KIAA0040: variants seen among roughly 807,000 people sequenced by gnomAD.
KIAA0040 encodes the protein uncharacterized protein KIAA0040.
Under a neutral mutation model 7.2 loss-of-function variants are expected in KIAA0040, and 10 were observed. The ratio of observed to expected loss-of-function variants is 1.38; its 90% CI spans 0.85 to 2.34. KIAA0040 has a LOEUF of 2.34. Among genes scored for constraint, KIAA0040 ranks in the 30% most tolerant of loss-of-function variants. The pLI is 0.00. For synonymous variants in KIAA0040, 49 were observed against 40.1 expected (o/e 1.22, Z -0.84); for missense variants, 89 against 108.2 (o/e 0.82, Z 0.79).
At chr1:175,171,666 G>A (rs1436555846) in intron 2 of KIAA0040, among the ~76,000 whole-genome samples, 1 of 152,180 alleles carries the variant, frequency 6.6e-6, no homozygotes, top group African/African-American at 2.4e-5. Flanking sequence ...ATCACTGAGA[G>A]CAATAGAAAG....
At chr1:175,191,104 T>C (rs1473340741) in intron 1 of KIAA0040, among the ~76,000 whole-genome samples, 1 of 152,214 alleles carries the variant, frequency 6.6e-6, no homozygotes, top group Non-Finnish European at 1.5e-5. Flanking sequence ...AACTGCAGTT[T>C]ATTTCTGTAT....
Position 175,174,208 on chromosome 1 carries a change from A to T in KIAA0040, c.-310+3403T>A, listed in dbSNP as rs967271321. Among the ~76,000 whole-genome samples, 24 of 152,350 alleles carry T rather than the reference A, an allele frequency of 1.6e-4. 1 individual carries two copies. The highest frequency in any genetic ancestry group is 1.2e-3 in the Admixed American group (18 of 15,304). ...AAGAGCCATGCAGGGGGCTTAAAAA[A>T]TATAAATGAGGACAAAAGGCAAGCC... is the stretch of plus-strand genomic sequence containing the variant. On this transcript the variant is annotated intron_variant, in intron 2 of 3. Coordinates refer to ENST00000423313, the MANE Select transcript of KIAA0040 (RefSeq NM_014656.3).
Position 175,187,226 on chromosome 1 carries a change from C to T in KIAA0040, c.-384+5414G>A, listed in dbSNP as rs575013860. On this transcript the variant is annotated intron_variant, in intron 1 of 3. Transcript: ENST00000423313. ...GTATGCCTTAAATTCTTAGCACCACCATTCAACAAGCGGTTACTGAGAGCC... is the reference window on the plus strand; with the variant it reads ...GTATGCCTTAAATTCTTAGCACCACTATTCAACAAGCGGTTACTGAGAGCC... Among the ~76,000 whole-genome samples the T allele has an allele frequency of 6.6e-5, 10 of 152,180 alleles. No homozygotes were observed. The South Asian group carries it at 2.1e-3, about 32-fold the overall frequency.
chr1:175,183,559 C>T (rs544192322), intron 1 of KIAA0040, among the ~76,000 whole-genome samples: 1 of 152,314 alleles, frequency 6.6e-6, no homozygotes, highest in Admixed American at 6.5e-5. Flanking sequence ...GCAGGAAGGC[C>T]TTGCAATGGG....
intron 3 of KIAA0040, among the ~76,000 whole-genome samples, chr1:175,161,804 C>T (rs1676554563): frequency 1.3e-5 from 2 of 152,172 alleles, no homozygotes; most frequent in African/African-American, 2.4e-5. Flanking sequence ...GTCCTCTCCT[C>T]CCAAGGCTGA....
At chr1:175,174,283 G>A (rs1646400845) in intron 2 of KIAA0040, among the ~76,000 whole-genome samples, 1 of 152,208 alleles carries the variant, frequency 6.6e-6, no homozygotes, top group South Asian at 2.1e-4. Context: ...CTGATCTGTG[G>A]TTAATCAGAC....
intron 1 of KIAA0040, among the ~76,000 whole-genome samples, chr1:175,186,035 G>A (rs1677646882): frequency 6.6e-6 from 1 of 152,158 alleles, no homozygotes; most frequent in African/African-American, 2.4e-5. Flanking sequence ...ACCGGGAAGA[G>A]GGAACAAGAA....
chr1:175,161,097 G>C lies in KIAA0040; in HGVS notation c.-84C>G. On this transcript the variant is annotated 5_prime_UTR_variant, in exon 4 of 4. The change creates a premature stop within an existing upstream ORF in the 5' untranslated region. Coordinates refer to ENST00000423313, the MANE Select transcript of KIAA0040 (RefSeq NM_014656.3). The stretch of plus-strand genomic sequence containing the variant: ...CAAAAGGATGCAACCTTGACCACTT[G>C]TAATTTATTCCTCTTCCAGCTTTGG... 7.8e-7 allele frequency: 1 copy of C among 1,281,260 alleles called. No individual in the cohort carries two copies. 79.4% of individuals were successfully genotyped at this position (1,281,260 alleles called of 1,614,324 possible).
intron 1 of KIAA0040, among the ~76,000 whole-genome samples, chr1:175,178,972 G>C (rs975268418): frequency 1.5e-3 from 18 of 12,216 alleles, no homozygotes; most frequent in South Asian, 8.5e-3. Flanking sequence ...GGACGGGGCG[G>C]GGGGGGGGAT....
At chr1:175,163,279 A>G (rs565369926) in intron 3 of KIAA0040, among the ~76,000 whole-genome samples, 2 of 152,370 alleles carry the variant, frequency 1.3e-5, no homozygotes, top group East Asian at 3.8e-4. Flanking sequence ...GAAAGACTGC[A>G]AAGAGATTTA....
chr1:175,171,227 C>T (rs929407032), intron 2 of KIAA0040, among the ~76,000 whole-genome samples: 4 of 152,202 alleles, frequency 2.6e-5, no homozygotes, highest in African/African-American at 9.7e-5. Context: ...TCTCACCATC[C>T]TGCCCTACTG....
intron 1 of KIAA0040, among the ~76,000 whole-genome samples, chr1:175,184,167 C>T (rs1157307154): frequency 1.3e-5 from 2 of 152,216 alleles, no homozygotes; most frequent in East Asian, 1.9e-4. Flanking sequence ...CATGAAGCTA[C>T]TGCTTCTTGT....
intron 2 of KIAA0040, among the ~76,000 whole-genome samples, chr1:175,171,282 T>C (rs1676982634): frequency 6.6e-6 from 1 of 152,220 alleles, no homozygotes; most frequent in Non-Finnish European, 1.5e-5. Context: ...TCACTTACAA[T>C]GCTGCTGTCA....
rs1676514577 is a variant in KIAA0040 at position 175,160,930 on chromosome 1, G to A, written c.84C>T (p.Cys28=). 5 of 1,551,592 alleles carry A rather than the reference G, an allele frequency of 3.2e-6. No homozygotes were observed. Among genetic ancestry groups the A allele is most frequent in the Admixed American group, 2.0e-5 (1 of 50,998 alleles). Reference sequence around the variant, plus strand: ...GTGGCAGGCCCAGGAGGACTCCCAGGCAGATGGTGTTGTAGATGCCTTCTT... The same window carrying A: ...GTGGCAGGCCCAGGAGGACTCCCAGACAGATGGTGTTGTAGATGCCTTCTT... The part of the protein sequence containing the change: ...KHQEGIYNTI[C]LGVLLGLPLL... The change falls in exon 4 of 4, where the codon TGC becomes TGT. Residue 28 remains cysteine (C), a synonymous_variant. Coordinates refer to ENST00000423313, the MANE Select transcript of KIAA0040 (RefSeq NM_014656.3).
intron 1 of KIAA0040, among the ~76,000 whole-genome samples, chr1:175,189,744 T>C (rs1271625662): frequency 1.3e-5 from 2 of 152,366 alleles, no homozygotes; most frequent in East Asian, 3.9e-4. Context: ...TTACAATTTA[T>C]GTAGCACATT....
intron 2 of KIAA0040, among the ~76,000 whole-genome samples, chr1:175,170,637 AC>A (rs1238770338): frequency 2.0e-5 from 3 of 151,826 alleles, no homozygotes; most frequent in Non-Finnish European, 2.9e-5. Flanking sequence ...TTACCTCCCC[AC>A]CCCTACCTCA....
rs1211937073 is a variant in KIAA0040, at chr1:175,171,959, G to A, written c.-309-5222C>T. Among the ~76,000 whole-genome samples, 3 of 152,128 alleles carry A rather than the reference G, an allele frequency of 2.0e-5. No homozygotes were observed. The South Asian group carries it at 6.2e-4, about 31-fold the overall frequency. ...CTCTCTTGTCTCAAGGATGATACCA[G>A]GGAAATAATTAGAGAATGATTTAAG... On this transcript the variant is annotated intron_variant, in intron 2 of 3. Transcript: ENST00000423313.
chr1:175,187,797 T>C (rs893811567), intron 1 of KIAA0040, among the ~76,000 whole-genome samples: 2 of 152,126 alleles, frequency 1.3e-5, no homozygotes, highest in African/African-American at 4.8e-5. Context: ...GTCAGGACAA[T>C]GTGAAGACTA....
In KIAA0040 at chr1:175,160,547, C is replaced by T; in HGVS notation, c.*167G>A. 1.5e-6 allele frequency: 1 copy of T among 673,864 alleles called. No homozygotes were observed. Among genetic ancestry groups the T allele is most frequent in the Non-Finnish European group, 2.5e-6 (1 of 407,412 alleles). 41.7% of individuals were successfully genotyped at this position (673,864 alleles called of 1,614,324 possible). ...TATCCAAGAATTGTCCACGTGGTCC[C>T]TGGGACTGCCCTCCACTGGGACACT... is the stretch of plus-strand genomic sequence containing the variant. On this transcript the variant is annotated 3_prime_UTR_variant, in exon 4 of 4. Transcript: ENST00000423313.
Sources: allele counts gnomAD v4.1 joint callset (sites outside exome capture counted in the v4.1 genomes callset), GRCh38; gene constraint gnomAD v4.1.1; transcripts MANE v1.5; gene names NCBI Gene and HGNC (gene_info 2026-07-23, HGNC 2026-07-21).